RB1CC1: variants seen among roughly 807,000 people sequenced by gnomAD.
RB1CC1 encodes the protein RB1-inducible coiled-coil protein 1.
Under a neutral mutation model 177.5 loss-of-function variants are expected in RB1CC1, and 46 were observed. The observed-to-expected ratio is 0.26, with a 90% CI of 0.20 to 0.33. The LOEUF is 0.33. RB1CC1 is among the 10% of genes least tolerant of loss of function. The pLI, the probability that RB1CC1 is intolerant of heterozygous loss-of-function variation, is 1.00. For missense variants in RB1CC1, 1,703 were observed against 1,816.3 expected (o/e 0.94, Z 1.13); for synonymous variants, 666 against 613.6 (o/e 1.09, Z -1.26).
Position 52,676,406 on chromosome 8 carries a change from G to T in RB1CC1, c.535C>A (p.Leu179Met). The T allele has an allele frequency of 6.2e-7, 1 of 1,612,142 alleles. No individual in the cohort carries two copies. Among genetic ancestry groups the T allele is most frequent in the Non-Finnish European group, 8.5e-7 (1 of 1,178,736 alleles). The change falls in exon 6 of 24, where the codon CTG becomes ATG. Residue 179 changes from leucine (L) to methionine (M), a missense_variant. This residue lies in a region of RB1CC1 where 315 missense variants were observed against 304.9 expected (regional missense o/e 1.03). Transcript: ENST00000025008. ...AACTTGATGTCTTCTATGGACTGCA[G>T]ATAATTTGAATAAATACTTTCAAAC... ...FKFESIYSNYLQSIEDIKLKL... is the reference protein window; with the variant it reads ...FKFESIYSNYMQSIEDIKLKL...
At chr8:52,675,712 TCCA>T (rs1406544355) in intron 6 of RB1CC1, among the ~76,000 whole-genome samples, 25 of 48,420 alleles carry the variant, frequency 5.2e-4, no homozygotes, top group African/African-American at 2.5e-3. Flanking sequence ...CTACTAAAAA[TCCA>T]AAAAAAAAAA....
chr8:52,631,289 G>A (rs981387856), intron 20 of RB1CC1, among the ~76,000 whole-genome samples: 1 of 152,122 alleles, frequency 6.6e-6, no homozygotes, highest in Non-Finnish European at 1.5e-5. Context: ...GCAAAATGGT[G>A]AAACCCCATC....
At chr8:52,670,955 C>CA (rs11444516) in intron 7 of RB1CC1, among the ~76,000 whole-genome samples, 38,254 of 127,884 alleles carry the variant, frequency 0.3, 5,089 homozygotes, top group Middle Eastern at 0.39. Context: ...GACTCCAACT[C>CA]AAAAAAAAAA....
intron 18 of RB1CC1, among the ~76,000 whole-genome samples, chr8:52,636,368 G>A (rs758968843): frequency 6.6e-6 from 1 of 152,064 alleles, no homozygotes; most frequent in Non-Finnish European, 1.5e-5. Context: ...ATATTTGTGA[G>A]TGAATCCATG....
chr8:52,632,332 T>G (rs1848821604), intron 20 of RB1CC1, among the ~76,000 whole-genome samples: 1 of 152,184 alleles, frequency 6.6e-6, no homozygotes. Flanking sequence ...GCTCTGAATT[T>G]CCTCCACTTC....
At chr8:52,632,762 C>G (rs780644164) in intron 20 of RB1CC1, among the ~76,000 whole-genome samples, 1 of 152,174 alleles carries the variant, frequency 6.6e-6, no homozygotes, top group Non-Finnish European at 1.5e-5. Context: ...GCAAACCTGC[C>G]TCCCATTTTA....
intron 8 of RB1CC1, among the ~76,000 whole-genome samples, chr8:52,662,273 GTTTATAC>G (rs1218117995): frequency 6.6e-6 from 1 of 152,008 alleles, no homozygotes; most frequent in East Asian, 1.9e-4. Context: ...TTTACACAGA[GTTTATAC>G]TTTATTATTT....
intron 1 of RB1CC1, among the ~76,000 whole-genome samples, chr8:52,691,570 C>G (rs1854858228): frequency 6.6e-6 from 1 of 152,176 alleles, no homozygotes; most frequent in Non-Finnish European, 1.5e-5. Context: ...GACTCTAGAA[C>G]CTAAAATTTG....
At position 52,678,438 on chromosome 8, in the gene RB1CC1, G is replaced by A. The variant is rs1591061603; in HGVS notation, c.370-1867C>T. Among the ~76,000 whole-genome samples the A allele has an allele frequency of 3.3e-5, 5 of 152,086 alleles. No individual in the cohort carries two copies. In the South Asian group the frequency reaches 1.0e-3, roughly 32 times the overall value. On this transcript the variant is annotated intron_variant, in intron 5 of 23. Transcript: ENST00000025008. ...CAACTCAAAAACAACAACAAAAAAA[G>A]TATAGTATGCTTTCATTTATTTGGG...
intron 6 of RB1CC1, among the ~76,000 whole-genome samples, chr8:52,675,495 G>A (rs1241410069): frequency 6.6e-6 from 1 of 151,918 alleles, no homozygotes; most frequent in African/African-American, 2.4e-5. Context: ...GTTAACTACA[G>A]CCCTTTTAAA....
rs559261215 is a variant in RB1CC1 at position 52,675,764 on chromosome 8, G to A, written c.572+605C>T. On this transcript the variant is annotated intron_variant, in intron 6 of 23. Transcript: ENST00000025008. ...TAGCTGAGCGTGGTGGCGGGCACCTGTAGTCCCAGCTACTTGGGAGGCTGA... is the reference window on the plus strand; with the variant it reads ...TAGCTGAGCGTGGTGGCGGGCACCTATAGTCCCAGCTACTTGGGAGGCTGA... Among the ~76,000 whole-genome samples, 24 of 149,360 alleles carry A rather than the reference G, an allele frequency of 1.6e-4. No individual in the cohort carries two copies. In the South Asian group the frequency reaches 4.9e-3, roughly 30 times the overall value.
At chr8:52,663,151 A>G (rs76850578) in intron 8 of RB1CC1, among the ~76,000 whole-genome samples, 2,504 of 152,230 alleles carry the variant, frequency 0.016, 69 homozygotes, top group African/African-American at 0.056. Context: ...TTACACGCAA[A>G]TAAGGTTTGA....
intron 1 of RB1CC1, among the ~76,000 whole-genome samples, chr8:52,709,144 T>C (rs1282882341): frequency 6.6e-6 from 1 of 151,530 alleles, no homozygotes; most frequent in African/African-American, 2.4e-5. Context: ...GAGTCAGAGG[T>C]TGCGGTCAGC....
At chr8:52,677,092 A>C (rs1358349651) in intron 5 of RB1CC1, among the ~76,000 whole-genome samples, 2 of 152,230 alleles carry the variant, frequency 1.3e-5, no homozygotes, top group African/African-American at 2.4e-5. Flanking sequence ...AAAAATATTT[A>C]TTAAGGATAA....
At chr8:52,631,521 C>T (rs971143672) in intron 20 of RB1CC1, among the ~76,000 whole-genome samples, 2 of 152,174 alleles carry the variant, frequency 1.3e-5, no homozygotes, top group African/African-American at 4.8e-5. Flanking sequence ...GGTTACAGGT[C>T]TCTTTCAAAA....
At chr8:52,661,306 C>T in intron 9 of RB1CC1, 25 bp from the exon 10 acceptor site, 1 of 1,602,984 alleles carries the variant, frequency 6.2e-7, no homozygotes, top group Non-Finnish European at 8.5e-7. Context: ...CCATTATTTT[C>T]AACATTCACA....
chr8:52,671,351 G>GA (rs929415356), intron 7 of RB1CC1, among the ~76,000 whole-genome samples: 6 of 152,028 alleles, frequency 3.9e-5, no homozygotes, highest in Admixed American at 2.0e-4. Context: ...TCCTTTTACG[G>GA]AAAAAAAATC....
rs534456119 is a variant in RB1CC1, at chr8:52,650,397, T to C, written c.3822-4530A>G. On this transcript the variant is annotated intron_variant, in intron 15 of 23. Coordinates refer to ENST00000025008, the MANE Select transcript of RB1CC1 (RefSeq NM_014781.5). ...AGAGACTTCCAAGTAAACCACCTGT[T>C]TGGGGGTCTTGGTAGACAACTGACG... 6.6e-5 allele frequency among the ~76,000 whole-genome samples: 10 copies of C among 152,264 alleles called. No homozygotes were observed. The South Asian group carries it at 2.1e-3, about 32-fold the overall frequency.
chr8:52,634,298 A>G (rs984615289), intron 20 of RB1CC1, among the ~76,000 whole-genome samples: 2 of 152,132 alleles, frequency 1.3e-5, no homozygotes, highest in African/African-American at 4.8e-5. Context: ...CAAGGTGCGC[A>G]GATCACCTGA....
Sources: gnomAD v4.1 joint callset for allele counts (sites outside exome capture counted in the v4.1 genomes callset) on GRCh38, gnomAD v4.1.1 for gene constraint, gnomAD v4.1.1 regional missense constraint, MANE v1.5 for transcripts, NCBI Gene and HGNC (gene_info 2026-07-23, HGNC 2026-07-21) for gene names.